Variants in CAMKK1 observed in about 807,000 individuals in gnomAD.
The protein encoded by CAMKK1 is calcium/calmodulin dependent protein kinase kinase 1, also known as calcium/calmodulin-dependent protein kinase kinase 1.
CAMKK1 carries 20 observed loss-of-function variants against 63.5 expected under a neutral mutation model. The ratio of observed to expected loss-of-function variants is 0.32; its 90% CI spans 0.22 to 0.46. The LOEUF is 0.46. CAMKK1 is among the 20% of genes least tolerant of loss of function. The pLI is 1.00. For synonymous variants in CAMKK1, 253 were observed against 269.0 expected (o/e 0.94, Z 0.58); for missense variants, 588 against 658.1 (o/e 0.89, Z 1.17).
intron 12 of CAMKK1, among the ~76,000 whole-genome samples, chr17:3,871,322 T>G (rs2143815296): frequency 6.9e-6 from 1 of 144,416 alleles, no homozygotes. Flanking sequence ...TTTTTTTGTT[T>G]GTTGTTTTTT....
At chr17:3,865,205 G>A in intron 15 of CAMKK1, 1 of 985,810 alleles carries the variant, frequency 1.0e-6, no homozygotes, top group Non-Finnish European at 1.2e-6. Flanking sequence ...TGGATCTGCT[G>A]AGGACGAGGC....
chr17:3,869,982 G>A (rs1478398733), intron 12 of CAMKK1, 94 bp from the exon 13 acceptor site: 1 of 994,056 alleles, frequency 1.0e-6, no homozygotes, highest in South Asian at 1.3e-5. Context: ...CCCTCGGATG[G>A]GAAGACTGAG....
chr17:3,869,693 C>T (rs1448313388), intron 13 of CAMKK1, 78 bp from the exon 14 acceptor site: 2 of 1,607,294 alleles, frequency 1.2e-6, no homozygotes, highest in Admixed American at 1.7e-5. Flanking sequence ...CCAAAGTCCA[C>T]AGACTCAAAC....
At chr17:3,863,218 G>A (rs1160052882) in intron 15 of CAMKK1, among the ~76,000 whole-genome samples, 7 of 152,106 alleles carry the variant, frequency 4.6e-5, no homozygotes, top group Non-Finnish European at 1.0e-4. Flanking sequence ...CTCTATGGCC[G>A]GGCACAGTGG....
chr17:3,891,417 T>C lies in CAMKK1; in HGVS notation c.-44+1522A>G, dbSNP rs369209403. Among the ~76,000 whole-genome samples, 9 of 152,068 alleles carry C rather than the reference T, an allele frequency of 5.9e-5. No homozygotes were observed. The East Asian group carries it at 1.4e-3, about 23-fold the overall frequency. ...GGGAGATGCTGCTGATACAGTGTAG[T>C]TGAGGAAGGCCTTTTGGGAGCAGGA... On this transcript the variant is annotated intron_variant, in intron 1 of 15. Coordinates refer to ENST00000348335, the MANE Select transcript of CAMKK1 (RefSeq NM_032294.3).
chr17:3,881,234 T>G (rs2055397941), intron 8 of CAMKK1, among the ~76,000 whole-genome samples: 1 of 152,256 alleles, frequency 6.6e-6, no homozygotes, highest in Non-Finnish European at 1.5e-5. Context: ...TGGGAGCAAC[T>G]GGAATCCCAC....
At chr17:3,872,449 A>C (rs780288552) in intron 12 of CAMKK1, 105 bp downstream of exon 12, 26 of 906,516 alleles carry the variant, frequency 2.9e-5, no homozygotes, top group Non-Finnish European at 4.3e-5. Flanking sequence ...CGCCACCTTC[A>C]TATCTGCAGG....
At chr17:3,888,532 C>T (rs1257704433) in intron 1 of CAMKK1, among the ~76,000 whole-genome samples, 3 of 152,246 alleles carry the variant, frequency 2.0e-5, no homozygotes, top group Non-Finnish European at 2.9e-5. Context: ...GCGGGCCTCA[C>T]CTCACCGCAC....
intron 15 of CAMKK1, among the ~76,000 whole-genome samples, chr17:3,863,711 AT>A (rs150262416): frequency 0.021 from 3,199 of 150,288 alleles, 90 homozygotes; most frequent in African/African-American, 0.07. Flanking sequence ...CTCCATCTCT[AT>A]TTTTTTTTTA....
chr17:3,884,478 GCTC>G lies in CAMKK1; in HGVS notation c.361-54_361-52del, dbSNP rs1567634011. On this transcript the variant is annotated intron_variant, in intron 2 of 15. Transcript: ENST00000348335. The surrounding 1 kb of genome is among the most constrained non-coding windows in gnomAD (Gnocchi z 4.5). ...TGGAGCTGGGTCCGGAGGCAGCACT[GCTC>G]CTACCTCAGAGCCCGTTCAGGGTCC... The G allele has an allele frequency of 1.3e-6, 2 of 1,569,014 alleles. No individual in the cohort carries two copies. Among genetic ancestry groups the G allele is most frequent in the Admixed American group, 3.4e-5 (2 of 59,168 alleles).
intron 10 of CAMKK1, among the ~76,000 whole-genome samples, chr17:3,874,215 C>T (rs1001253230): frequency 4.6e-5 from 7 of 152,200 alleles, no homozygotes; most frequent in East Asian, 3.9e-4. Flanking sequence ...GGAAAGACAA[C>T]GGCAGGCCAA....
intron 14 of CAMKK1, among the ~76,000 whole-genome samples, chr17:3,866,277 G>A (rs371780476): frequency 5.9e-5 from 9 of 152,248 alleles, no homozygotes; most frequent in Admixed American, 3.3e-4. Flanking sequence ...GGCTGAAAGA[G>A]TGGGGAGGGC....
Position 3,884,469 on chromosome 17 carries a change from G to C in CAMKK1, c.361-42C>G. 1 of 1,596,266 alleles carries C rather than the reference G, an allele frequency of 6.3e-7. No individual in the cohort carries two copies. The highest frequency in any genetic ancestry group is 8.6e-7 in the Non-Finnish European group (1 of 1,166,062). On this transcript the variant is annotated intron_variant, in intron 2 of 15. Transcript: ENST00000348335. This position sits in a 1 kb window ranked among gnomAD's most constrained non-coding sequence, Gnocchi z 4.5. ...AGCACCAGGTGGAGCTGGGTCCGGA[G>C]GCAGCACTGCTCCTACCTCAGAGCC... is the stretch of plus-strand genomic sequence containing the variant.
At chr17:3,865,598 G>C (rs761677163) in intron 15 of CAMKK1, 1 of 1,194,734 alleles carries the variant, frequency 8.4e-7, no homozygotes, top group Non-Finnish European at 1.0e-6. Context: ...CCCAGTGAGA[G>C]AGTGACATCA....
At position 3,881,626 on chromosome 17, in the gene CAMKK1, C is replaced by A; in HGVS notation, c.707+1G>T. 6.4e-7 allele frequency: 1 copy of A among 1,570,324 alleles called. No individual in the cohort carries two copies. On this transcript the variant is annotated splice_donor_variant, in intron 8 of 15. Coordinates refer to ENST00000348335, the MANE Select transcript of CAMKK1 (RefSeq NM_032294.3). LOFTEE classifies it high-confidence loss of function. ...CTGCCTGATCAGGACGGGGAACTCACCCCTTTCTCAGGAGGTCAAACACTG... is the reference window on the plus strand; with the variant it reads ...CTGCCTGATCAGGACGGGGAACTCAACCCTTTCTCAGGAGGTCAAACACTG...
At chr17:3,871,600 C>G (rs1351697811) in intron 12 of CAMKK1, among the ~76,000 whole-genome samples, 1 of 149,436 alleles carries the variant, frequency 6.7e-6, no homozygotes, top group Non-Finnish European at 1.5e-5. Context: ...TCGTGATCCG[C>G]CCTCCTTGGC....
At position 3,885,555 on chromosome 17, in the gene CAMKK1, G is replaced by A. The variant is rs1417046700; in HGVS notation, c.133C>T (p.Pro45Ser). 1 of 1,614,040 alleles carries A rather than the reference G, an allele frequency of 6.2e-7. No individual in the cohort carries two copies. Among genetic ancestry groups the A allele is most frequent in the South Asian group, 1.1e-5 (1 of 91,088 alleles). ...ACAGAGGCAGCTCTGGCCCGTGGTGGGGGGTCCACACCGTTTCTAGTAGGC... is the reference window on the plus strand; with the variant it reads ...ACAGAGGCAGCTCTGGCCCGTGGTGAGGGGTCCACACCGTTTCTAGTAGGC... ...PEPTRNGVDP[P>S]PRARAASVIP... is the part of the protein sequence containing the mutation. The change falls in exon 2 of 16, where the codon CCA becomes TCA. Residue 45 changes from proline to serine, a missense_variant. Pro to Ser is a moderately conservative substitution (Grantham distance 74). Around this residue, in one of 3 missense-constraint regions of CAMKK1, gnomAD observed 357 missense variants for 407.4 expected, o/e 0.88. Transcript: ENST00000348335.
At chr17:3,866,130 A>C in intron 14 of CAMKK1, 119 bp from the exon 15 acceptor site, 1 of 1,195,696 alleles carries the variant, frequency 8.4e-7, no homozygotes, top group South Asian at 1.4e-5. Flanking sequence ...CATCTCAATC[A>C]GCACAGCATG....
chr17:3,871,206 A>T (rs977412792), intron 12 of CAMKK1, among the ~76,000 whole-genome samples: 2 of 152,052 alleles, frequency 1.3e-5, no homozygotes, highest in Non-Finnish European at 2.9e-5. Flanking sequence ...AAGTGGCAAC[A>T]AGGCCCAGAG....
Sources: allele counts gnomAD v4.1 joint callset (sites outside exome capture counted in the v4.1 genomes callset), GRCh38; gene constraint gnomAD v4.1.1; regional missense constraint gnomAD v4.1.1; non-coding constraint Gnocchi (gnomAD v3.1); transcripts MANE v1.5; gene names NCBI Gene and HGNC (gene_info 2026-07-23, HGNC 2026-07-21).